Variants in CDK12 observed in about 807,000 individuals in gnomAD.
CDK12 encodes the protein cyclin dependent kinase 12.
A neutral mutation model predicts 133.8 loss-of-function variants in CDK12; 17 were observed. The observed-to-expected ratio is 0.13, with a 90% CI of 0.09 to 0.19. The LOEUF (loss-of-function observed/expected upper bound fraction) is 0.19. Ranked by LOEUF, CDK12 falls within the 10% of genes least tolerant of loss-of-function variation. The pLI is 1.00. For missense variants in CDK12, 1,508 were observed against 1,818.7 expected, an observed-to-expected ratio of 0.83 and a Z score of 3.11; for synonymous variants, 694 against 683.6, an observed-to-expected ratio of 1.02 and a Z score of -0.24.
At chr17:39,513,213 T>G (rs760335411) in intron 8 of CDK12, among the ~76,000 whole-genome samples, 11 of 152,220 alleles carry the variant, frequency 7.2e-5, no homozygotes, top group African/African-American at 2.2e-4. Flanking sequence ...TTGTATCTTA[T>G]GTTGTATGAT....
At chr17:39,483,407 G>C (rs1376637620) in intron 2 of CDK12, among the ~76,000 whole-genome samples, 1 of 151,994 alleles carries the variant, frequency 6.6e-6, no homozygotes, top group Non-Finnish European at 1.5e-5. Context: ...TTGGACTACA[G>C]GCACGTGCCA....
At chr17:39,477,658 C>T (rs1248238129) in intron 2 of CDK12, among the ~76,000 whole-genome samples, 2 of 151,236 alleles carry the variant, frequency 1.3e-5, no homozygotes, top group Non-Finnish European at 2.9e-5. Flanking sequence ...CTGCAAGCTC[C>T]ACCTCCTGGG....
At chr17:39,528,224 G>A (rs1266963326) in intron 13 of CDK12, among the ~76,000 whole-genome samples, 1 of 152,022 alleles carries the variant, frequency 6.6e-6, no homozygotes, top group Non-Finnish European at 1.5e-5. Context: ...CCAGCCAAAA[G>A]TCCATACTTT....
chr17:39,491,463 T>C (rs34957982), intron 3 of CDK12, among the ~76,000 whole-genome samples: 95,687 of 151,854 alleles, frequency 0.63, 32,822 homozygotes, highest in South Asian at 0.89. Flanking sequence ...TCTCGAACTC[T>C]TGACCTCAGG....
In CDK12 at chr17:39,532,099, TCTTTC is replaced by T. The variant is rs2054882184; in HGVS notation, c.*784_*788del. ...TTTGCTGATGTGTGCTCTCTCTCTC[TCTTTC>T]TCTCTCTCTCTCTCTCTCTCTCTCT... On this transcript the variant is annotated 3_prime_UTR_variant, in exon 14 of 14. Coordinates refer to ENST00000447079, the MANE Select transcript of CDK12 (RefSeq NM_016507.4). The T allele has an allele frequency of 5.5e-6, 1 of 180,416 alleles. No homozygotes were observed. The highest frequency in any genetic ancestry group is 8.8e-5 in the Admixed American group (1 of 11,302). 11.2% of individuals were successfully genotyped at this position (180,416 alleles called of 1,614,324 possible). A position where few individuals can be genotyped will look rare whatever the true frequency, so the allele number is the denominator to read the frequency against.
chr17:39,524,698 T>C lies in CDK12; in HGVS notation c.3120T>C (p.His1040=). The C allele has an allele frequency of 6.2e-7, 1 of 1,614,206 alleles. No homozygotes were observed. Among genetic ancestry groups the C allele is most frequent in the Admixed American group, 1.7e-5 (1 of 60,016 alleles). The change falls in exon 12 of 14, where the codon CAT becomes CAC. Residue 1040 remains histidine, a synonymous_variant. Coordinates refer to ENST00000447079, the MANE Select transcript of CDK12 (RefSeq NM_016507.4). Reference sequence around the variant, plus strand: ...GCCTCCCCCACTGGCAGGATTGCCATGAGTTGTGGAGTAAGAAACGGCGAC... The same window carrying C: ...GCCTCCCCCACTGGCAGGATTGCCACGAGTTGTGGAGTAAGAAACGGCGAC... ...PPDLPHWQDC[H]ELWSKKRRRQ... is the part of the protein sequence containing the mutation.
chr17:39,475,153 A>G (rs1159944507), intron 2 of CDK12, among the ~76,000 whole-genome samples: 1 of 152,096 alleles, frequency 6.6e-6, no homozygotes, highest in Non-Finnish European at 1.5e-5. Flanking sequence ...GATTTTAAAG[A>G]AAAATTCCAT....
At chr17:39,466,762 TA>T (rs1408349157) in intron 1 of CDK12, among the ~76,000 whole-genome samples, 3 of 148,158 alleles carry the variant, frequency 2.0e-5, no homozygotes, top group African/African-American at 7.5e-5. Context: ...AAACATATAA[TA>T]TTCCCAGAGA....
intron 5 of CDK12, among the ~76,000 whole-genome samples, chr17:39,497,955 C>T (rs1026939895): frequency 1.3e-5 from 2 of 151,908 alleles, no homozygotes; most frequent in Non-Finnish European, 2.9e-5. Context: ...TCTATGTTAC[C>T]AGTTTTATTT....
chr17:39,539,007 G>A (rs111484238), downstream of CDK12, among the ~76,000 whole-genome samples: 5 of 152,064 alleles, frequency 3.3e-5, no homozygotes, highest in African/African-American at 4.8e-5. Flanking sequence ...GGTAGACCAC[G>A]TTTTTCTCTC....
At chr17:39,562,891 CTTTTT>C (rs2056427077) in intron 3 of CDK12, among the ~76,000 whole-genome samples, 1 of 44,414 alleles carries the variant, frequency 2.3e-5, no homozygotes, top group South Asian at 1.6e-3. Flanking sequence ...CTTTTTTTTT[CTTTTT>C]CTTTTCTTTT....
downstream of CDK12, among the ~76,000 whole-genome samples, chr17:39,537,939 G>A (rs2055217300): frequency 1.3e-5 from 2 of 152,052 alleles, no homozygotes; most frequent in African/African-American, 2.4e-5. Flanking sequence ...AAATTTATAG[G>A]ATAATTTTCT....
rs1433094391 is a variant in CDK12 at position 39,471,616 on chromosome 17, T to G, written c.1784T>G (p.Val595Gly). ...PPSTHSKTSA[V>G]SSQANSQPPV... The stretch of plus-strand genomic sequence containing the variant: ...TCTACTCACTCAAAGACATCTGCTG[T>G]GTCCTCTCAGGCAAATTCTCAGCCC... Residue 595 changes from valine to glycine, a missense_variant, in exon 2 of 14, where the codon GTG (valine) becomes GGG (glycine). Physicochemically the swap from Val to Gly is moderately radical, Grantham distance 109. Around this residue, in one of 9 missense-constraint regions of CDK12, gnomAD observed 347 missense variants for 330.8 expected, o/e 1.05. Coordinates refer to ENST00000447079, the MANE Select transcript of CDK12 (RefSeq NM_016507.4). 2 of 1,614,068 alleles carry G rather than the reference T, an allele frequency of 1.2e-6. No homozygotes were observed.
chr17:39,496,968 T>C (rs1033269631), intron 5 of CDK12, among the ~76,000 whole-genome samples: 3 of 139,288 alleles, frequency 2.2e-5, no homozygotes, highest in African/African-American at 8.0e-5. Flanking sequence ...TCTCACTCTG[T>C]CGCCCAGGCT....
At position 39,534,481 on chromosome 17, in the gene CDK12, T is replaced by G. The variant is rs2055042678; in HGVS notation, c.*3165T>G. 1 of 232,450 alleles carries G rather than the reference T, an allele frequency of 4.3e-6. No homozygotes were observed. The highest frequency in any genetic ancestry group is 5.6e-5 in the Admixed American group (1 of 17,760). The allele number at this position is 232,450 out of a possible 1,614,324, so 14.4% of individuals were successfully genotyped here. A position where few individuals can be genotyped will look rare whatever the true frequency, so the allele number is the denominator to read the frequency against. Reference sequence around the variant, plus strand: ...AGATATTTTGTAATATATTAAATTTTTTTCTTTCAGTTTATAAAAATGGAA... The same window carrying G: ...AGATATTTTGTAATATATTAAATTTGTTTCTTTCAGTTTATAAAAATGGAA... On this transcript the variant is annotated 3_prime_UTR_variant, in exon 14 of 14. Transcript: ENST00000447079.
chr17:39,551,678 G>A (rs1235610293), intron 2 of CDK12, among the ~76,000 whole-genome samples: 2 of 152,176 alleles, frequency 1.3e-5, no homozygotes, highest in Admixed American at 6.5e-5. Context: ...TTCATGTGGT[G>A]CCATGGCCTT....
chr17:39,500,362 G>A (rs528923822), intron 5 of CDK12, among the ~76,000 whole-genome samples: 2 of 152,228 alleles, frequency 1.3e-5, no homozygotes, highest in South Asian at 4.1e-4. Context: ...GCTGGGCGCG[G>A]TGGCTGACGC....
intron 10 of CDK12, 31 bp from the exon 11 acceptor site, chr17:39,519,925 G>A (rs745717685): frequency 2.5e-6 from 4 of 1,612,880 alleles, no homozygotes; most frequent in South Asian, 2.2e-5. Context: ...GGGTCATTGT[G>A]AACTTGTCCT....
At chr17:39,513,359 G>A (rs1403626387) in intron 8 of CDK12, among the ~76,000 whole-genome samples, 2 of 151,938 alleles carry the variant, frequency 1.3e-5, no homozygotes, top group Non-Finnish European at 2.9e-5. Context: ...AGCACTACAG[G>A]GGTTTTATTT....
Sources: allele counts gnomAD v4.1 joint callset (sites outside exome capture counted in the v4.1 genomes callset), GRCh38; gene constraint gnomAD v4.1.1; regional missense constraint gnomAD v4.1.1; transcripts MANE v1.5; gene names NCBI Gene and HGNC (gene_info 2026-07-23, HGNC 2026-07-21).